SYNE2: variants seen among roughly 807,000 people sequenced by gnomAD.
The protein encoded by SYNE2 is nesprin-2.
A neutral mutation model predicts 856.3 loss-of-function variants in SYNE2; 431 were observed. The ratio of observed to expected loss-of-function variants is 0.50; its 90% confidence interval spans 0.47 to 0.55. SYNE2 has a LOEUF of 0.55. Among genes scored for constraint, SYNE2 ranks in the 20% least tolerant of loss-of-function variants. SYNE2 has a pLI of 0.00. For synonymous variants in SYNE2, 2,923 were observed against 2,872.3 expected (o/e 1.02, Z -0.56); for missense variants, 8,129 against 8,023.2 (o/e 1.01, Z -0.50).
chr14:64,177,607 C>A, intron 96 of SYNE2, 124 bp downstream of exon 96: 1 of 1,284,966 alleles, frequency 7.8e-7, no homozygotes. Context: ...AATATTTTCC[C>A]GATCTGTCTA....
At chr14:63,840,270 CA>C (rs1057422895) in intron 1 of SYNE2, among the ~76,000 whole-genome samples, 12 of 146,490 alleles carry the variant, frequency 8.2e-5, no homozygotes, top group African/African-American at 1.2e-4. Flanking sequence ...GACCCTGTCT[CA>C]AAAAAAAAAG....
intron 45 of SYNE2, among the ~76,000 whole-genome samples, chr14:64,037,130 CCT>C (rs2097096740): frequency 6.6e-6 from 1 of 150,922 alleles, no homozygotes; most frequent in Non-Finnish European, 1.5e-5. Context: ...AATACTGTCT[CCT>C]CTTTTTTTTT....
chr14:64,161,539 G>A (rs1431402482), intron 87 of SYNE2, among the ~76,000 whole-genome samples: 1 of 152,006 alleles, frequency 6.6e-6, no homozygotes, highest in Non-Finnish European at 1.5e-5. Context: ...CTCTTCATGT[G>A]GAGTCATTTT....
chr14:64,210,771 G>T (rs1212016243), intron 103 of SYNE2, among the ~76,000 whole-genome samples: 1 of 152,180 alleles, frequency 6.6e-6, no homozygotes, highest in Non-Finnish European at 1.5e-5. Context: ...CTGTTCTCAG[G>T]GCAGAGCATG....
intron 99 of SYNE2, among the ~76,000 whole-genome samples, chr14:64,201,523 C>T (rs2098565711): frequency 6.6e-6 from 1 of 152,150 alleles, no homozygotes; most frequent in South Asian, 2.1e-4. Context: ...AGAGTGGCCC[C>T]TGAATGCTTG....
intron 99 of SYNE2, among the ~76,000 whole-genome samples, chr14:64,192,382 G>A (rs2098522652): frequency 6.6e-6 from 1 of 152,130 alleles, no homozygotes; most frequent in African/African-American, 2.4e-5. Context: ...GTTTCCTGAA[G>A]GTTAGAATGA....
intron 45 of SYNE2, among the ~76,000 whole-genome samples, chr14:64,039,255 GT>G (rs756494871): frequency 2.0e-5 from 3 of 152,234 alleles, no homozygotes; most frequent in Non-Finnish European, 4.4e-5. Context: ...TTGGATTTAG[GT>G]TTCTGCCTGT....
chr14:64,060,426 T>G (rs1167626776), intron 49 of SYNE2, among the ~76,000 whole-genome samples: 3 of 152,088 alleles, frequency 2.0e-5, no homozygotes, highest in Non-Finnish European at 2.9e-5. Context: ...GCCCAGGGTG[T>G]GTCTGGAAAT....
At chr14:63,852,636 GCTCT>G (rs1890639675), upstream of SYNE2, among the ~76,000 whole-genome samples, 1 of 152,274 alleles carries the variant, frequency 6.6e-6, no homozygotes. Context: ...TCGCAGATCT[GCTCT>G]CTAACTCCTA....
At chr14:63,979,138 C>T in intron 14 of SYNE2, 124 bp downstream of exon 14, 1 of 938,040 alleles carries the variant, frequency 1.1e-6, no homozygotes, top group Admixed American at 1.9e-5. Context: ...TGGTAGATTT[C>T]ATTAGCTTAA....
At chr14:63,765,953 C>A (rs1262670659) in intron 1 of SYNE2, among the ~76,000 whole-genome samples, 1 of 152,100 alleles carries the variant, frequency 6.6e-6, no homozygotes, top group African/African-American at 2.4e-5. Context: ...TGCAGTGAAC[C>A]ATGATTGTGC....
chr14:64,019,680 T>TG (rs2096921875), intron 34 of SYNE2, among the ~76,000 whole-genome samples: 1 of 152,184 alleles, frequency 6.6e-6, no homozygotes. Flanking sequence ...TGCGTGCAGA[T>TG]GCGCACACAC....
At chr14:63,979,160 A>G (rs2096566778) in intron 14 of SYNE2, 146 bp downstream of exon 14, 1 of 789,916 alleles carries the variant, frequency 1.3e-6, no homozygotes, top group Non-Finnish European at 2.1e-6. Context: ...TATTGCATGG[A>G]GAAAAGAATT....
intron 94 of SYNE2, among the ~76,000 whole-genome samples, chr14:64,171,166 G>C (rs535034078): frequency 6.6e-5 from 10 of 152,278 alleles, no homozygotes; most frequent in Middle Eastern, 3.4e-3. Flanking sequence ...TGCCTGATGA[G>C]CACAGGATTA....
chr14:63,992,308 A>C (rs1435520104), intron 21 of SYNE2, among the ~76,000 whole-genome samples: 2 of 151,814 alleles, frequency 1.3e-5, no homozygotes, highest in East Asian at 3.9e-4. Flanking sequence ...ACAGGGTCTC[A>C]CTCTGTCACC....
chr14:64,144,741 T>G (rs992473693), intron 83 of SYNE2, among the ~76,000 whole-genome samples: 5 of 152,166 alleles, frequency 3.3e-5, no homozygotes, highest in Non-Finnish European at 5.9e-5. Context: ...TCTTATCACT[T>G]AACCAAGCAA....
intron 51 of SYNE2, among the ~76,000 whole-genome samples, chr14:64,066,259 G>A (rs1191898761): frequency 6.6e-6 from 1 of 152,122 alleles, no homozygotes; most frequent in Non-Finnish European, 1.5e-5. Context: ...CAGCACTTTG[G>A]GAGGCTGAGA....
chr14:63,858,759 A>G (rs954748663), intron 1 of SYNE2, among the ~76,000 whole-genome samples: 3 of 152,148 alleles, frequency 2.0e-5, no homozygotes, highest in African/African-American at 7.2e-5. Context: ...AGAGTTTTGG[A>G]GGGGACATTT....
rs373707221 is a variant in SYNE2 at position 64,159,414 on chromosome 14, G to A, written c.16066G>A (p.Glu5356Lys). ...CTGCCCCTCTGTTGCTGAAATAATC[G>A]AAGAGAAATGCCAAAATACTCATAA... ...GLCPSVAEII[E>K]EKCQNTHKRW... is the part of the protein sequence containing the mutation. The change falls in exon 87 of 116, where the codon GAA becomes AAA. Residue 5356 changes from glutamate to lysine, a missense_variant. Physicochemically the swap from Glu to Lys is moderately conservative, Grantham distance 56. Around this residue, in one of 3 missense-constraint regions of SYNE2, gnomAD observed 5,410 missense variants for 5,284.8 expected, o/e 1.02. Coordinates refer to ENST00000555002, the MANE Select transcript of SYNE2 (RefSeq NM_182914.3). 4.1e-5 allele frequency: 66 copies of A among 1,613,688 alleles called. No homozygotes were observed. Among genetic ancestry groups the A allele is most frequent in the East Asian group, 2.7e-4 (12 of 44,886 alleles).
Sources: gnomAD v4.1 joint callset for allele counts (sites outside exome capture counted in the v4.1 genomes callset) on GRCh38, gnomAD v4.1.1 for gene constraint, gnomAD v4.1.1 regional missense constraint, MANE v1.5 for transcripts, NCBI Gene and HGNC (gene_info 2026-07-23, HGNC 2026-07-21) for gene names.